The following NCAM1 variants were observed in gnomAD, a reference collection of about 807,000 sequenced individuals.
The protein encoded by NCAM1 is antigen recognized by monoclonal antibody 5.1H11.
Under a neutral mutation model 109.8 loss-of-function variants are expected in NCAM1, and 14 were observed. The ratio of observed to expected loss-of-function variants is 0.13; its 90% CI spans 0.08 to 0.20. NCAM1 has a LOEUF of 0.20. NCAM1 is among the 10% of genes least tolerant of loss of function. The pLI is 1.00. For missense variants in NCAM1, 774 were observed against 1,109.9 expected, an observed-to-expected ratio of 0.70 and a Z score of 4.30; for synonymous variants, 418 against 442.9, an observed-to-expected ratio of 0.94 and a Z score of 0.70.
At chr11:113,024,616 T>C (rs1952484680) in intron 1 of NCAM1, among the ~76,000 whole-genome samples, 1 of 152,122 alleles carries the variant, frequency 6.6e-6, no homozygotes, top group African/African-American at 2.4e-5. Flanking sequence ...TAAGAATATA[T>C]ATATACTTTT....
chr11:113,231,778 T>C lies in NCAM1; in HGVS notation c.1223T>C (p.Met408Thr). ...ACCATCGGCCAGGACTCCCAGTCCA[T>C]GTACCTTGAAGTGCAATGTAAGGAA... ...SNTIGQDSQS[M>T]YLEVQYAPKL... Residue 408 changes from methionine (M) to threonine (T), a missense_variant, in exon 10 of 20, where the codon ATG becomes ACG. Physicochemically the swap from Met to Thr is moderately conservative, Grantham distance 81 (BLOSUM62 -1). Coordinates refer to ENST00000316851, the MANE Select transcript of NCAM1 (RefSeq NM_181351.5). 1.9e-6 allele frequency: 3 copies of C among 1,613,956 alleles called. No individual in the cohort carries two copies. Among genetic ancestry groups the C allele is most frequent in the Non-Finnish European group, 2.5e-6 (3 of 1,179,886 alleles).
At chr11:113,138,533 G>A (rs1941696348) in intron 1 of NCAM1, among the ~76,000 whole-genome samples, 1 of 152,208 alleles carries the variant, frequency 6.6e-6, no homozygotes, top group African/African-American at 2.4e-5. Flanking sequence ...TTTATATCAT[G>A]TGTTGAGATT....
At chr11:113,213,081 T>C (rs782013715) in intron 7 of NCAM1, among the ~76,000 whole-genome samples, 1 of 152,252 alleles carries the variant, frequency 6.6e-6, no homozygotes, top group Non-Finnish European at 1.5e-5. Flanking sequence ...AGTTCTATTA[T>C]TGTTTTCTGT....
intron 1 of NCAM1, among the ~76,000 whole-genome samples, chr11:113,081,679 G>A (rs1259327245): frequency 6.6e-6 from 1 of 151,950 alleles, no homozygotes; most frequent in Non-Finnish European, 1.5e-5. Flanking sequence ...GATTACAGGT[G>A]TCCACCACCA....
intron 1 of NCAM1, among the ~76,000 whole-genome samples, chr11:113,127,765 C>T (rs1286768217): frequency 3.3e-5 from 5 of 152,320 alleles, no homozygotes; most frequent in Non-Finnish European, 5.9e-5. Flanking sequence ...CAGCAGCGTC[C>T]CTTCCTACAA....
At chr11:113,011,719 G>C (rs1952060763) in intron 1 of NCAM1, among the ~76,000 whole-genome samples, 1 of 152,178 alleles carries the variant, frequency 6.6e-6, no homozygotes, top group Non-Finnish European at 1.5e-5. Context: ...AAAAGGAAAT[G>C]ACTGTGTTTG....
chr11:113,026,622 C>A (rs1952553905), intron 1 of NCAM1, among the ~76,000 whole-genome samples: 1 of 152,114 alleles, frequency 6.6e-6, no homozygotes, highest in Admixed American at 6.6e-5. Context: ...TTAAAATGTT[C>A]TTGTGTGGAT....
At chr11:113,259,696 A>G (rs1379775520) in intron 16 of NCAM1, among the ~76,000 whole-genome samples, 1 of 134,824 alleles carries the variant, frequency 7.4e-6, no homozygotes, top group Admixed American at 7.5e-5. Flanking sequence ...ATGTCCCATC[A>G]TTGCTTTTTT....
At chr11:113,212,461 T>C (rs139181022) in intron 7 of NCAM1, among the ~76,000 whole-genome samples, 77 of 152,330 alleles carry the variant, frequency 5.1e-4, no homozygotes, top group African/African-American at 1.8e-3. Flanking sequence ...GACCCTTGCC[T>C]GTCTTCTGTT....
chr11:112,970,987 G>T (rs1555066656), intron 1 of NCAM1, among the ~76,000 whole-genome samples: 2 of 152,104 alleles, frequency 1.3e-5, no homozygotes, highest in South Asian at 4.2e-4. Context: ...TAAATATGAT[G>T]GAGAAATTAA....
At position 112,962,205 on chromosome 11, in the gene NCAM1, G is replaced by C. The variant is rs1480507774; in HGVS notation, c.52+541G>C. Among the ~76,000 whole-genome samples the C allele has an allele frequency of 6.6e-6, 1 of 152,184 alleles. No individual in the cohort carries two copies. The highest frequency in any genetic ancestry group is 1.5e-5 in the Non-Finnish European group (1 of 68,022). On this transcript the variant is annotated intron_variant, in intron 1 of 19. Coordinates refer to ENST00000316851, the MANE Select transcript of NCAM1 (RefSeq NM_181351.5). The surrounding 1 kb of genome is among the most constrained non-coding windows in gnomAD (Gnocchi z 5.6). ...GCTTCCCCCGCCCCAGAAGAATAAC[G>C]GTTTGCAAAATGGGGCAAAATGGGC...
intron 1 of NCAM1, among the ~76,000 whole-genome samples, chr11:113,032,040 C>T (rs1555078432): frequency 6.6e-6 from 1 of 152,108 alleles, no homozygotes; most frequent in African/African-American, 2.4e-5. Context: ...CACCTGGGCT[C>T]AAGTGATCCT....
At chr11:113,223,205 G>C (rs1400650853) in intron 9 of NCAM1, among the ~76,000 whole-genome samples, 6 of 152,172 alleles carry the variant, frequency 3.9e-5, no homozygotes, top group African/African-American at 1.4e-4. Context: ...ATGGCTGGTA[G>C]GTGGCACACC....
intron 1 of NCAM1, among the ~76,000 whole-genome samples, chr11:113,199,412 G>A (rs959887321): frequency 1.3e-5 from 2 of 152,126 alleles, no homozygotes; most frequent in Non-Finnish European, 2.9e-5. Flanking sequence ...AGTGCTTCGT[G>A]TTTGGGGAAG....
chr11:113,257,156 T>TC (rs1945854711), intron 16 of NCAM1, among the ~76,000 whole-genome samples: 1 of 152,074 alleles, frequency 6.6e-6, no homozygotes, highest in African/African-American at 2.4e-5. Context: ...GAATGAGAGG[T>TC]CCCCATGGCT....
chr11:113,204,198 A>G lies in NCAM1; in HGVS notation c.128-88A>G, dbSNP rs1252064366. 3.7e-6 allele frequency: 4 copies of G among 1,090,646 alleles called. No individual in the cohort carries two copies. The African/African-American group carries it at 4.7e-5, about 13-fold the overall frequency. The allele number at this position is 1,090,646 out of a possible 1,614,324, so 67.6% of individuals were successfully genotyped here. The stretch of plus-strand genomic sequence containing the variant: ...GCCTTGACTGATCTGTTGTTCAGTA[A>G]CTCTTACTGATCAGCCACTGTCAGT... On this transcript the variant is annotated intron_variant, in intron 2 of 19. Transcript: ENST00000316851.
chr11:113,194,270 C>T (rs929855526), intron 1 of NCAM1, among the ~76,000 whole-genome samples: 1 of 152,132 alleles, frequency 6.6e-6, no homozygotes, highest in Middle Eastern at 3.2e-3. Context: ...TTCTTCCTGA[C>T]TGTAATATTA....
intron 1 of NCAM1, among the ~76,000 whole-genome samples, chr11:113,042,887 G>T (rs573959130): frequency 9.9e-5 from 15 of 152,118 alleles, no homozygotes; most frequent in African/African-American, 3.4e-4. Context: ...GCTCCAGAAA[G>T]TGTCCTTGAC....
chr11:112,961,738 T>A, intron 1 of NCAM1, 74 bp downstream of exon 1: 2 of 983,320 alleles, frequency 2.0e-6, no homozygotes, highest in East Asian at 5.2e-5. Flanking sequence ...GGAGGAACGC[T>A]ATTATTTTGG....
Sources: gnomAD v4.1 joint callset for allele counts (sites outside exome capture counted in the v4.1 genomes callset) on GRCh38, gnomAD v4.1.1 for gene constraint, Gnocchi (gnomAD v3.1) non-coding constraint, MANE v1.5 for transcripts, NCBI Gene and HGNC (gene_info 2026-07-23, HGNC 2026-07-21) for gene names.